ZNF675: variants seen among roughly 807,000 people sequenced by gnomAD.
ZNF675 encodes TRAF6 inhibitory zinc finger.
Under a neutral mutation model 56.1 loss-of-function variants are expected in ZNF675, and 36 were observed. That is an observed-to-expected ratio of 0.64 (90% CI 0.49 to 0.85). The LOEUF is 0.85. ZNF675 is among the 40% of genes least tolerant of loss of function. The pLI is 0.00. For synonymous variants in ZNF675, 200 were observed against 218.9 expected (o/e 0.91, Z 0.76); for missense variants, 663 against 654.2 (o/e 1.01, Z -0.15).
intron 1 of ZNF675, among the ~76,000 whole-genome samples, chr19:23,679,144 GCGACAGAGCGAGACTC>G (rs1968341618): frequency 8.3e-6 from 1 of 120,688 alleles, no homozygotes; most frequent in Admixed American, 1.1e-4. Context: ...TCCAGCCTGG[GCGACAGAGCGAGACTC>G]CGTCTCAAAA....
chr19:23,678,813 A>T (rs1397854960), intron 1 of ZNF675, among the ~76,000 whole-genome samples: 1 of 151,696 alleles, frequency 6.6e-6, no homozygotes, highest in Admixed American at 6.6e-5. Flanking sequence ...GCTGACAAAG[A>T]GAAATACAGG....
intron 1 of ZNF675, among the ~76,000 whole-genome samples, chr19:23,685,648 A>G (rs1343177676): frequency 6.6e-6 from 1 of 152,220 alleles, no homozygotes; most frequent in Non-Finnish European, 1.5e-5. Context: ...CATAAAAAAT[A>G]TTTTCAAACA....
intron 1 of ZNF675, among the ~76,000 whole-genome samples, chr19:23,685,439 T>G (rs1968431155): frequency 6.6e-6 from 1 of 152,190 alleles, no homozygotes; most frequent in Admixed American, 6.5e-5. Context: ...ATATATTGGT[T>G]TATTCACAGA....
intron 1 of ZNF675, among the ~76,000 whole-genome samples, chr19:23,677,706 CAAAAA>C (rs34806137): frequency 2.5e-5 from 2 of 80,716 alleles, no homozygotes; most frequent in Non-Finnish European, 5.0e-5. Context: ...GACTCCGTCT[CAAAAA>C]AAAAAAAAAA....
At chr19:23,684,800 T>A (rs1275177571) in intron 1 of ZNF675, among the ~76,000 whole-genome samples, 3 of 152,200 alleles carry the variant, frequency 2.0e-5, no homozygotes, top group Non-Finnish European at 4.4e-5. Context: ...CATTTTACTT[T>A]GCAAGTTTTT....
intron 2 of ZNF675, among the ~76,000 whole-genome samples, 185 bp from the exon 3 acceptor site, chr19:23,662,394 A>G (rs1023381804): frequency 3.3e-5 from 5 of 152,216 alleles, no homozygotes; most frequent in African/African-American, 1.2e-4. Context: ...TAATTTCACT[A>G]CCCAGTACTA....
intron 1 of ZNF675, among the ~76,000 whole-genome samples, chr19:23,678,124 G>A (rs1968324183): frequency 1.3e-5 from 2 of 151,314 alleles, no homozygotes; most frequent in African/African-American, 4.9e-5. Context: ...TGTCTTGGGG[G>A]GAAAAAAAGT....
chr19:23,661,930 T>A (rs1968084428), intron 3 of ZNF675, 184 bp downstream of exon 3: 1 of 515,618 alleles, frequency 1.9e-6, no homozygotes, highest in African/African-American at 2.0e-5. Flanking sequence ...ACAGAAACCT[T>A]AGAGAATTTA....
intron 1 of ZNF675, among the ~76,000 whole-genome samples, chr19:23,670,182 A>G (rs973082869): frequency 5.9e-5 from 9 of 152,102 alleles, no homozygotes; most frequent in African/African-American, 2.2e-4. Flanking sequence ...CTGCTTGGCT[A>G]TATCTTCCAC....
At chr19:23,682,779 G>C (rs1052041896) in intron 1 of ZNF675, among the ~76,000 whole-genome samples, 1 of 151,752 alleles carries the variant, frequency 6.6e-6, no homozygotes, top group African/African-American at 2.4e-5. Flanking sequence ...CTGAAACGCA[G>C]TGTTAGTATA....
intron 1 of ZNF675, among the ~76,000 whole-genome samples, chr19:23,679,970 A>G (rs1418925128): frequency 6.6e-6 from 1 of 150,394 alleles, no homozygotes; most frequent in Non-Finnish European, 1.5e-5. Flanking sequence ...AGCCTGGGCA[A>G]CAAGAGCGAG....
rs143274411 is a variant in ZNF675 at position 23,653,908 on chromosome 19, C to A, written c.1025G>T (p.Cys342Phe). 4.3e-6 allele frequency: 7 copies of A among 1,613,278 alleles called. No homozygotes were observed. The African/African-American group carries it at 8.0e-5, about 18-fold the overall frequency. Residue 342 changes from cysteine (C) to phenylalanine (F), a missense_variant, in exon 4 of 4, where the codon TGT (cysteine) becomes TTT (phenylalanine). This residue lies in a region of ZNF675 where 617 missense variants were observed against 590.5 expected (regional missense o/e 1.04). Coordinates refer to ENST00000359788, the MANE Select transcript of ZNF675 (RefSeq NM_138330.3). ...GTTAAAAGCTTTTCCACATTCTTCA[C>A]ATTTGTAGGGTTTTTCTCCAGTATG... The part of the protein sequence containing the change: ...RIHTGEKPYK[C>F]EECGKAFNRS...
chr19:23,686,729 G>C (rs1032302961), intron 1 of ZNF675, among the ~76,000 whole-genome samples: 1 of 152,154 alleles, frequency 6.6e-6, no homozygotes, highest in Non-Finnish European at 1.5e-5. Flanking sequence ...CTCCGGTGAC[G>C]GCCCTCCTGT....
intron 1 of ZNF675, among the ~76,000 whole-genome samples, chr19:23,677,535 A>G (rs12982554): frequency 0.97 from 146,382 of 150,734 alleles, 71,354 homozygotes; most frequent in Middle Eastern, 1. Flanking sequence ...GGGAAACCTC[A>G]TCTCTACTAA....
intron 1 of ZNF675, among the ~76,000 whole-genome samples, chr19:23,679,111 G>A (rs1968340797): frequency 7.3e-6 from 1 of 137,930 alleles, no homozygotes; most frequent in Non-Finnish European, 1.5e-5. Context: ...AGCTTGCAGT[G>A]AGCCAAGATC....
rs1480225116 is a variant in ZNF675 at position 23,654,084 on chromosome 19, G to A, written c.849C>T (p.Pro283=). ...CTTTGCCACATTCTTCACATTTGTA[G>A]GGTTTCTCTCCTGTATGAATTATCT... ...THKIIHTGEK[P]YKCEECGKAF... is the part of the protein sequence containing the mutation. Residue 283 remains proline (P), a synonymous_variant, in exon 4 of 4, where the codon CCC becomes CCT. Coordinates refer to ENST00000359788, the MANE Select transcript of ZNF675 (RefSeq NM_138330.3). The A allele has an allele frequency of 6.2e-7, 1 of 1,613,628 alleles. No homozygotes were observed. Among genetic ancestry groups the A allele is most frequent in the African/African-American group, 1.3e-5 (1 of 74,976 alleles).
rs76244145 is a variant in ZNF675 at position 23,664,544 on chromosome 19, A to G, written c.4-1386T>C. On this transcript the variant is annotated intron_variant, in intron 1 of 3. Transcript: ENST00000359788. ...CACTTTCCTGTCACTACCAAACCAA[A>G]CAGAACCAGCCCTTTGACCATTCTT... is the stretch of plus-strand genomic sequence containing the variant. Among the ~76,000 whole-genome samples the G allele has an allele frequency of 4.5e-3, 679 of 152,270 alleles. 23 individuals are homozygous for G. In the East Asian group the frequency reaches 0.087, roughly 19 times the overall value.
At chr19:23,682,407 T>G (rs1010644655) in intron 1 of ZNF675, among the ~76,000 whole-genome samples, 1 of 151,898 alleles carries the variant, frequency 6.6e-6, no homozygotes, top group Non-Finnish European at 1.5e-5. Context: ...AATTAAAATT[T>G]TTTTTACATA....
chr19:23,672,174 TA>T lies in ZNF675; in HGVS notation c.4-9017del, dbSNP rs56087062. On this transcript the variant is annotated intron_variant, in intron 1 of 3. Coordinates refer to ENST00000359788, the MANE Select transcript of ZNF675 (RefSeq NM_138330.3). ...GTCCTGATTAGTTAGCTCTTGGGTT[TA>T]AAAAAAAAAAAAAAAAAGGACAAGA... Among the ~76,000 whole-genome samples the T allele has an allele frequency of 5.7e-3, 838 of 145,814 alleles. 16 individuals are homozygous for T. The highest frequency in any genetic ancestry group is 0.021 in the African/African-American group (801 of 38,642).
Sources: gnomAD v4.1 joint callset for allele counts (sites outside exome capture counted in the v4.1 genomes callset) on GRCh38, gnomAD v4.1.1 for gene constraint, gnomAD v4.1.1 regional missense constraint, MANE v1.5 for transcripts, NCBI Gene and HGNC (gene_info 2026-07-23, HGNC 2026-07-21) for gene names.